DCLK1: variants seen among roughly 807,000 people sequenced by gnomAD.
DCLK1 encodes the protein serine/threonine-protein kinase DCLK1.
DCLK1 carries 16 observed loss-of-function variants against 86.2 expected under a neutral mutation model. The ratio of observed to expected loss-of-function variants is 0.19; its 90% CI spans 0.13 to 0.28. The LOEUF (loss-of-function observed/expected upper bound fraction) is 0.28. Ranked by LOEUF, DCLK1 falls within the 10% of genes least tolerant of loss-of-function variation. The pLI is 1.00. For synonymous variants in DCLK1, 369 were observed against 370.5 expected, an observed-to-expected ratio of 1.00 and a Z score of 0.05; for missense variants, 590 against 940.2, an observed-to-expected ratio of 0.63 and a Z score of 4.87.
chr13:36,054,978 A>G (rs529634605), intron 3 of DCLK1, among the ~76,000 whole-genome samples: 6 of 152,272 alleles, frequency 3.9e-5, no homozygotes, highest in African/African-American at 1.4e-4. Context: ...ACTCATCTCT[A>G]AGGGGTAATG....
intron 8 of DCLK1, among the ~76,000 whole-genome samples, chr13:35,834,610 T>A (rs1446863181): frequency 6.6e-6 from 1 of 152,220 alleles, no homozygotes; most frequent in Non-Finnish European, 1.5e-5. Context: ...AAAATGAGGT[T>A]GCTCCTGCTT....
At chr13:35,831,205 C>G (rs1868933684) in intron 8 of DCLK1, among the ~76,000 whole-genome samples, 1 of 152,146 alleles carries the variant, frequency 6.6e-6, no homozygotes, top group African/African-American at 2.4e-5. Flanking sequence ...ACAATGAGCT[C>G]CACAGAGGAC....
chr13:35,794,290 G>A (rs1164474122), intron 15 of DCLK1, among the ~76,000 whole-genome samples: 1 of 152,224 alleles, frequency 6.6e-6, no homozygotes, highest in Non-Finnish European at 1.5e-5. Context: ...TCTTAGCATA[G>A]TGCCTTGGCA....
At chr13:35,793,524 G>A (rs780395198) in intron 15 of DCLK1, 45 bp from the exon 16 acceptor site, 2 of 1,476,076 alleles carry the variant, frequency 1.4e-6, no homozygotes, top group Admixed American at 2.0e-5. Context: ...AAGAAAATGA[G>A]ATAAATGAAA....
At chr13:35,908,078 G>A (rs551393454) in intron 4 of DCLK1, among the ~76,000 whole-genome samples, 1 of 152,154 alleles carries the variant, frequency 6.6e-6, no homozygotes, top group East Asian at 1.9e-4. Flanking sequence ...AAATAGGACT[G>A]TGCTGACATA....
chr13:35,992,152 A>G (rs554601864), intron 3 of DCLK1, among the ~76,000 whole-genome samples: 1 of 152,326 alleles, frequency 6.6e-6, no homozygotes. Context: ...CATGCCTTCT[A>G]GTTCGCACTT....
chr13:35,886,450 C>A (rs1873254758), intron 4 of DCLK1, among the ~76,000 whole-genome samples: 1 of 152,142 alleles, frequency 6.6e-6, no homozygotes, highest in Admixed American at 6.5e-5. Flanking sequence ...TGGGAGATTG[C>A]AGAAATATCT....
At chr13:35,838,011 A>C in intron 7 of DCLK1, among the ~76,000 whole-genome samples, 1 of 150,708 alleles carries the variant, frequency 6.6e-6, no homozygotes, top group Non-Finnish European at 1.5e-5. Flanking sequence ...GGTTGCAGTG[A>C]GCTGAGATAG....
chr13:35,931,938 G>A (rs1876455603), intron 4 of DCLK1, among the ~76,000 whole-genome samples: 1 of 152,140 alleles, frequency 6.6e-6, no homozygotes, highest in Non-Finnish European at 1.5e-5. Flanking sequence ...AGGATCCTCA[G>A]TTTTAATTCC....
chr13:35,854,792 T>C (rs546810422), intron 5 of DCLK1, among the ~76,000 whole-genome samples, 199 bp from the exon 6 acceptor site: 93 of 152,332 alleles, frequency 6.1e-4, no homozygotes, highest in African/African-American at 2.1e-3. Flanking sequence ...CTGTGTTTCA[T>C]AGAGCAGCAG....
At chr13:35,804,617 G>C (rs1401202839) in intron 15 of DCLK1, among the ~76,000 whole-genome samples, 2 of 151,886 alleles carry the variant, frequency 1.3e-5, no homozygotes, top group Non-Finnish European at 2.9e-5. Context: ...ATTTTTAGTA[G>C]AGATGGCGTT....
chr13:36,028,571 C>A (rs904607128), intron 3 of DCLK1, among the ~76,000 whole-genome samples: 1 of 152,186 alleles, frequency 6.6e-6, no homozygotes, highest in Non-Finnish European at 1.5e-5. Flanking sequence ...CTTATCTGCA[C>A]CCAGGTGATG....
chr13:36,130,670 T>C lies in DCLK1; in HGVS notation c.-20+444A>G, dbSNP rs369995697. 1.1e-4 allele frequency among the ~76,000 whole-genome samples: 17 copies of C among 151,810 alleles called. No homozygotes were observed. In the East Asian group the frequency reaches 2.2e-3, roughly 19 times the overall value. ...AATCGACCCCATCCACAAGCACACA[T>C]CACTGGCCCGGGCACACGGAAAAGC... On this transcript the variant is annotated intron_variant, in intron 1 of 16. Coordinates refer to ENST00000360631, the MANE Select transcript of DCLK1 (RefSeq NM_001330071.2).
intron 3 of DCLK1, among the ~76,000 whole-genome samples, chr13:36,105,208 T>C (rs1326089145): frequency 6.6e-6 from 1 of 152,182 alleles, no homozygotes; most frequent in Non-Finnish European, 1.5e-5. Context: ...TATTATATCA[T>C]GAAGCATTTC....
intron 3 of DCLK1, among the ~76,000 whole-genome samples, chr13:36,008,139 ATTTT>A (rs777909367): frequency 2.0e-5 from 2 of 102,168 alleles, no homozygotes; most frequent in Non-Finnish European, 3.9e-5. Context: ...TCTCTCTAAA[ATTTT>A]TTTTTTTTTT....
chr13:35,811,199 T>G (rs1376145856), intron 11 of DCLK1, among the ~76,000 whole-genome samples: 2 of 152,178 alleles, frequency 1.3e-5, no homozygotes, highest in Non-Finnish European at 2.9e-5. Flanking sequence ...TAAATTATAG[T>G]ACATTCATAC....
chr13:35,994,916 C>A (rs1156699980), intron 3 of DCLK1, among the ~76,000 whole-genome samples: 1 of 152,178 alleles, frequency 6.6e-6, no homozygotes, highest in African/African-American at 2.4e-5. Flanking sequence ...CAATGAAAGG[C>A]ACAGATGACG....
chr13:36,069,667 T>C (rs1883893320), intron 3 of DCLK1, among the ~76,000 whole-genome samples: 1 of 152,198 alleles, frequency 6.6e-6, no homozygotes, highest in Non-Finnish European at 1.5e-5. Context: ...CCCACCTGGA[T>C]CCTTGCCTTC....
chr13:36,086,533 C>T (rs1452213288), intron 3 of DCLK1, among the ~76,000 whole-genome samples: 2 of 151,110 alleles, frequency 1.3e-5, no homozygotes, highest in South Asian at 2.1e-4. Flanking sequence ...TATACATGTG[C>T]CATGGTGGTT....
Sources: gnomAD v4.1 joint callset for allele counts (sites outside exome capture counted in the v4.1 genomes callset) on GRCh38, gnomAD v4.1.1 for gene constraint, MANE v1.5 for transcripts, NCBI Gene and HGNC (gene_info 2026-07-23, HGNC 2026-07-21) for gene names.